The following CALCOCO1 variants were observed in gnomAD, a reference collection of about 807,000 sequenced individuals.
CALCOCO1 encodes calcium binding and coiled-coil domain 1.
In CALCOCO1, 44 loss-of-function variants were observed where a neutral mutation model predicts 86.3. That is an observed-to-expected ratio of 0.51 (90% CI 0.40 to 0.66). The LOEUF is 0.66. Ranked by LOEUF, CALCOCO1 falls within the 30% of genes least tolerant of loss-of-function variation. CALCOCO1 has a pLI of 0.00. For missense variants in CALCOCO1, 708 were observed against 851.1 expected, an observed-to-expected ratio of 0.83 and a Z score of 2.09; for synonymous variants, 297 against 327.6, an observed-to-expected ratio of 0.91 and a Z score of 1.01.
intron 5 of CALCOCO1, 185 bp downstream of exon 5, chr12:53,721,840 C>T (rs1079340): frequency 5.6e-5 from 45 of 804,994 alleles, no homozygotes; most frequent in African/African-American, 2.4e-4. Flanking sequence ...TCTCATTACA[C>T]GTTTGGAACA....
In CALCOCO1 at chr12:53,713,201, A is replaced by G; in HGVS notation, c.1797T>C (p.Ala599=). The change falls in exon 14 of 15, where the codon GCT becomes GCC. Residue 599 remains alanine, a synonymous_variant. Transcript: ENST00000550804. ...CCATCAGGACTGACTTCTCATCTTC[A>G]GCCTCCTGGATGCCAAAGAGACAGG... ...PAEDSSSDSE[A]EDEKSVLMAA... 1 of 1,613,828 alleles carries G rather than the reference A, an allele frequency of 6.2e-7. No homozygotes were observed. Among genetic ancestry groups the G allele is most frequent in the Non-Finnish European group, 8.5e-7 (1 of 1,179,840 alleles).
Position 53,715,671 on chromosome 12 carries a change from C to G in CALCOCO1, c.1260+122G>C. 2.2e-6 allele frequency: 3 copies of G among 1,357,022 alleles called. No individual in the cohort carries two copies. The Admixed American group carries it at 6.0e-5, about 27-fold the overall frequency. The allele number at this position is 1,357,022 out of a possible 1,614,324, so 84.1% of individuals were successfully genotyped here. On this transcript the variant is annotated intron_variant, in intron 9 of 14. Transcript: ENST00000550804. The stretch of plus-strand genomic sequence containing the variant: ...TACCTCCCTCAAAGCCCCTCTCCAC[C>G]CAAGTCCTCTAAGGTTCTCAACCCC...
chr12:53,712,452 GAGA>G (rs2120535148), intron 14 of CALCOCO1: 1 of 269,014 alleles, frequency 3.7e-6, no homozygotes, highest in Admixed American at 5.0e-5. Context: ...TGCTCCAGCC[GAGA>G]AGGATGACAG....
intron 3 of CALCOCO1, 103 bp downstream of exon 3, chr12:53,724,542 C>T: frequency 2.4e-6 from 2 of 818,680 alleles, no homozygotes; most frequent in Admixed American, 2.0e-5. Flanking sequence ...TTTATTTTTC[C>T]TTGTCCTTTG....
rs1565648923 is a variant in CALCOCO1, at chr12:53,722,194, C to CAGAAGG, written c.451-17_451-12dup. ...CTCATCGAGCTGGTTCTACAGGCAG[C>CAGAAGG]AGAAGGAGAAGGGGAGTGTGCTGGT... On this transcript the variant is annotated splice_polypyrimidine_tract_variant and intron_variant, in intron 4 of 14. Transcript: ENST00000550804. 5 of 1,611,866 alleles carry CAGAAGG rather than the reference C, an allele frequency of 3.1e-6. No individual in the cohort carries two copies. The African/African-American group carries it at 5.3e-5, about 17-fold the overall frequency.
chr12:53,716,691 T>C (rs1421019276), intron 7 of CALCOCO1, among the ~76,000 whole-genome samples: 1 of 152,176 alleles, frequency 6.6e-6, no homozygotes, highest in African/African-American at 2.4e-5. Flanking sequence ...TTCTTTCTCT[T>C]AAATCAAAAC....
chr12:53,722,043 C>G lies in CALCOCO1; in HGVS notation c.591G>C (p.Glu197Asp), dbSNP rs1205944712. Reference protein sequence around the residue: ...ALATARQEHTELMEQYKGISR... With the variant: ...ALATARQEHTDLMEQYKGISR... Reference sequence around the variant, plus strand: ...CTCCCACCTTGTACTGTTCCATCAGCTCCGTGTGCTCCTGCCTGGCAGTTG... The same window carrying G: ...CTCCCACCTTGTACTGTTCCATCAGGTCCGTGTGCTCCTGCCTGGCAGTTG... The change falls in exon 5 of 15, where the codon GAG becomes GAC. Residue 197 changes from glutamate to aspartate, a missense_variant. Physicochemically the swap from Glu to Asp is conservative, Grantham distance 45. Coordinates refer to ENST00000550804, the MANE Select transcript of CALCOCO1 (RefSeq NM_020898.3). The G allele has an allele frequency of 6.2e-6, 10 of 1,613,306 alleles. No homozygotes were observed. The highest frequency in any genetic ancestry group is 7.6e-6 in the Non-Finnish European group (9 of 1,180,056).
intron 7 of CALCOCO1, 118 bp from the exon 8 acceptor site, chr12:53,716,533 G>T (rs1945732771): frequency 2.6e-5 from 27 of 1,043,456 alleles, no homozygotes; most frequent in South Asian, 2.5e-4. Flanking sequence ...ACACACTCAA[G>T]CCTTCAGCTA....
chr12:53,719,678 C>A, intron 7 of CALCOCO1, 61 bp downstream of exon 7: 1 of 1,191,850 alleles, frequency 8.4e-7, no homozygotes, highest in East Asian at 2.4e-5. Flanking sequence ...GTCTGGCTCT[C>A]GAGAGGGAAT....
At chr12:53,713,257 G>A (rs754563411) in intron 13 of CALCOCO1, 51 bp from the exon 14 acceptor site, 1 of 1,456,562 alleles carries the variant, frequency 6.9e-7, no homozygotes, top group Admixed American at 1.7e-5. Context: ...CCCAAGATGG[G>A]GGAGCAGCAC....
At chr12:53,716,198 AG>A (rs2120578606) in intron 8 of CALCOCO1, 61 bp downstream of exon 8, 1 of 1,600,708 alleles carries the variant, frequency 6.2e-7, no homozygotes, top group South Asian at 1.1e-5. Context: ...TTAGACACGC[AG>A]GCTTCTCTAC....
chr12:53,714,707 G>T lies in CALCOCO1; in HGVS notation c.1387-14C>A. 1 of 1,594,476 alleles carries T rather than the reference G, an allele frequency of 6.3e-7. No homozygotes were observed. On this transcript the variant is annotated splice_polypyrimidine_tract_variant and intron_variant, in intron 10 of 14. Transcript: ENST00000550804. ...TGACAACTGTACCTGAGGGAAGAGG[G>T]CCCAATGGAATCTGGAGCCTAGAAT... is the stretch of plus-strand genomic sequence containing the variant.
chr12:53,713,661 C>A (rs1777375387), intron 13 of CALCOCO1, 40 bp downstream of exon 13: 1 of 1,477,506 alleles, frequency 6.8e-7, no homozygotes, highest in Non-Finnish European at 9.0e-7. Context: ...TTGGCCCTGC[C>A]CCTCCTTACT....
In CALCOCO1 at chr12:53,715,251, G is replaced by T. The variant is rs1343401061; in HGVS notation, c.1335C>A (p.Thr445=). The T allele has an allele frequency of 6.2e-7, 1 of 1,614,028 alleles. No individual in the cohort carries two copies. Among genetic ancestry groups the T allele is most frequent in the East Asian group, 2.2e-5 (1 of 44,864 alleles). Residue 445 remains threonine (T), a synonymous_variant, in exon 10 of 15, where the codon ACC becomes ACA. Coordinates refer to ENST00000550804, the MANE Select transcript of CALCOCO1 (RefSeq NM_020898.3). ...GCTCAGTCTTGAACACTTGGTTTTGGGTCCTCTCCTCCTGAACTGCCTTCT... is the reference window on the plus strand; with the variant it reads ...GCTCAGTCTTGAACACTTGGTTTTGTGTCCTCTCCTCCTGAACTGCCTTCT... ...RLEKAVQEER[T]QNQVFKTELA...
At chr12:53,722,894 A>C in intron 4 of CALCOCO1, 1 of 430,980 alleles carries the variant, frequency 2.3e-6, no homozygotes, top group South Asian at 1.7e-5. Context: ...CACATCTTTC[A>C]CTTACGTGAG....
In CALCOCO1 at chr12:53,711,914, G is replaced by A. The variant is rs1945563920; in HGVS notation, c.*30C>T. 6.6e-7 allele frequency: 1 copy of A among 1,522,854 alleles called. No individual in the cohort carries two copies. The highest frequency in any genetic ancestry group is 2.1e-5 in the Admixed American group (1 of 47,468). The allele number at this position is 1,522,854 out of a possible 1,614,324, so 94.3% of individuals were successfully genotyped here. A position where few individuals can be genotyped will look rare whatever the true frequency, so the allele number is the denominator to read the frequency against. ...TGTGTGAGTGTGTGTGTGCATGAGT[G>A]TGTATTTGTGCATGTACGAGGGAGT... On this transcript the variant is annotated 3_prime_UTR_variant, in exon 15 of 15. Transcript: ENST00000550804.
chr12:53,713,819 C>T lies in CALCOCO1; in HGVS notation c.1673G>A (p.Gly558Glu), dbSNP rs1197817270. 6.4e-7 allele frequency: 1 copy of T among 1,571,476 alleles called. No homozygotes were observed. Among genetic ancestry groups the T allele is most frequent in the Non-Finnish European group, 8.6e-7 (1 of 1,161,668 alleles). The change falls in exon 13 of 15, where the codon GGA becomes GAA. Residue 558 changes from glycine (G) to glutamate (E), a missense_variant. Physicochemically the swap from Gly to Glu is moderately conservative, Grantham distance 98. Coordinates refer to ENST00000550804, the MANE Select transcript of CALCOCO1 (RefSeq NM_020898.3). ...CCCAGCAGGAGAGGAGCCTGGGTCT[C>T]CACGCTCACAAAGGCCATAGGGTGG... The part of the protein sequence containing the change: ...RLPPYGLCER[G>E]DPGSSPAGPR...
intron 14 of CALCOCO1, chr12:53,712,822 A>T: frequency 7.1e-7 from 1 of 1,415,360 alleles, no homozygotes; most frequent in Non-Finnish European, 9.4e-7. Context: ...GAAGCAGGGC[A>T]ATTTGGGCTC....
chr12:53,724,250 T>C (rs1945962735), intron 3 of CALCOCO1: 1 of 396,184 alleles, frequency 2.5e-6, no homozygotes, highest in Non-Finnish European at 4.9e-6. Flanking sequence ...CATCCCCTTT[T>C]ACTGTTAAGA....
Sources: gnomAD v4.1 joint callset for allele counts (sites outside exome capture counted in the v4.1 genomes callset) on GRCh38, gnomAD v4.1.1 for gene constraint, MANE v1.5 for transcripts, NCBI Gene and HGNC (gene_info 2026-07-23, HGNC 2026-07-21) for gene names.